The following NF2 variants were observed in gnomAD, a reference collection of about 807,000 sequenced individuals.
NF2 encodes the protein merlin.
In NF2, 8 loss-of-function variants were observed where a neutral mutation model predicts 83.7. That is an observed-to-expected ratio of 0.10 (90% confidence interval 0.06 to 0.17). The LOEUF (loss-of-function observed/expected upper bound fraction) is 0.17, where lower values mean the gene tolerates loss of function less well. NF2 is among the 10% of genes least tolerant of loss of function. The pLI, the probability that NF2 is intolerant of heterozygous loss-of-function variation, is 1.00. For synonymous variants in NF2, 266 were observed against 269.6 expected (o/e 0.99, Z 0.13); for missense variants, 533 against 744.4 (o/e 0.72, Z 3.31).
intron 1 of NF2, among the ~76,000 whole-genome samples, chr22:29,628,084 A>G (rs2065412317): frequency 6.6e-6 from 1 of 151,866 alleles, no homozygotes; most frequent in Non-Finnish European, 1.5e-5. Context: ...AGCATCAAGC[A>G]TTTATGGAGT....
intron 9 of NF2, among the ~76,000 whole-genome samples, chr22:29,666,187 C>T (rs565660033): frequency 6.6e-6 from 1 of 152,066 alleles, no homozygotes; most frequent in East Asian, 1.9e-4. Flanking sequence ...TGGGGTCTCA[C>T]TCTGTTGCCC....
intron 9 of NF2, among the ~76,000 whole-genome samples, chr22:29,668,046 G>A (rs1007311897): frequency 2.6e-5 from 4 of 151,952 alleles, no homozygotes; most frequent in African/African-American, 9.7e-5. Flanking sequence ...ACCACATCTT[G>A]ATGTAGGAGA....
chr22:29,654,749 A>T, intron 5 of NF2, 24 bp downstream of exon 5: 1 of 1,563,590 alleles, frequency 6.4e-7, no homozygotes, highest in South Asian at 1.1e-5. Flanking sequence ...TTCCCTTTTC[A>T]GGAAGACATA....
At chr22:29,658,905 C>CG (rs956067539) in intron 7 of NF2, among the ~76,000 whole-genome samples, 2 of 152,106 alleles carry the variant, frequency 1.3e-5, no homozygotes, top group Admixed American at 6.6e-5. Context: ...CATTTCACTA[C>CG]GGACTCCAAA....
intron 14 of NF2, among the ~76,000 whole-genome samples, chr22:29,679,453 C>T (rs972674673): frequency 1.3e-5 from 2 of 152,270 alleles, no homozygotes; most frequent in East Asian, 1.9e-4. Context: ...GGTTGGGATC[C>T]GGGATCAGGG....
intron 12 of NF2, 145 bp downstream of exon 12, chr22:29,673,631 G>A (rs2147085280): frequency 1.1e-6 from 1 of 904,458 alleles, no homozygotes; most frequent in East Asian, 2.6e-5. Flanking sequence ...TTGGCTGATG[G>A]TGACTGGTGC....
In NF2 at chr22:29,693,166, T is replaced by C. The variant is rs938247377; in HGVS notation, c.1738-1586T>C. On this transcript the variant is annotated intron_variant, in intron 15 of 15. Coordinates refer to ENST00000338641, the MANE Select transcript of NF2 (RefSeq NM_000268.4). ...CCAGTGACCATTCTGGTTCCCATCATCACAGGGCACATAACTCCTGGCCCT... is the reference window on the plus strand; with the variant it reads ...CCAGTGACCATTCTGGTTCCCATCACCACAGGGCACATAACTCCTGGCCCT... 2.6e-5 allele frequency among the ~76,000 whole-genome samples: 4 copies of C among 152,208 alleles called. No homozygotes were observed. In the South Asian group the frequency reaches 6.2e-4, roughly 24 times the overall value.
In NF2 at chr22:29,697,566, C is replaced by CTT. The variant is rs113760386; in HGVS notation, c.*2779_*2780dup. 2.6e-4 allele frequency: 41 copies of CTT among 158,828 alleles called. No individual in the cohort carries two copies. Among genetic ancestry groups the CTT allele is most frequent in the Middle Eastern group, 4.9e-3 (2 of 408 alleles). 9.8% of individuals were successfully genotyped at this position (158,828 alleles called of 1,614,324 possible). A position where few individuals can be genotyped will look rare whatever the true frequency, so the allele number is the denominator to read the frequency against. On this transcript the variant is annotated 3_prime_UTR_variant, in exon 16 of 16. Coordinates refer to ENST00000338641, the MANE Select transcript of NF2 (RefSeq NM_000268.4). The stretch of plus-strand genomic sequence containing the variant: ...TTCCTGTGGCTGGGATGACTGCATC[C>CTT]TTTTTTTTTTTTTTTTGAGACGGAG...
chr22:29,682,983 T>A (rs757722901), intron 15 of NF2: 3 of 1,612,562 alleles, frequency 1.9e-6, no homozygotes, highest in East Asian at 4.5e-5. Flanking sequence ...TCACAGGGTA[T>A]GTTTTTGTTT....
intron 15 of NF2, chr22:29,683,369 C>T: frequency 1.5e-6 from 2 of 1,359,200 alleles, no homozygotes; most frequent in Non-Finnish European, 1.9e-6. Flanking sequence ...GCTTCTTGTC[C>T]AGTCAGGTGT....
At chr22:29,661,087 T>C (rs2066463919) in intron 7 of NF2, 118 bp from the exon 8 acceptor site, 1 of 1,439,362 alleles carries the variant, frequency 6.9e-7, no homozygotes, top group Non-Finnish European at 9.7e-7. Context: ...CTGTGACTTC[T>C]GTTGGGACCT....
intron 7 of NF2, among the ~76,000 whole-genome samples, chr22:29,658,666 T>A (rs1287465839): frequency 8.6e-6 from 1 of 116,778 alleles, no homozygotes; most frequent in Non-Finnish European, 1.6e-5. Context: ...AGAGTAGATC[T>A]GCCTTTATAG....
chr22:29,682,450 G>A (rs1274091670), intron 15 of NF2, among the ~76,000 whole-genome samples: 2 of 152,148 alleles, frequency 1.3e-5, no homozygotes, highest in Non-Finnish European at 2.9e-5. Context: ...AACTCCAGGG[G>A]ATCTGTTTCT....
chr22:29,666,357 T>A (rs1020314870), intron 9 of NF2, among the ~76,000 whole-genome samples: 5 of 152,054 alleles, frequency 3.3e-5, no homozygotes, highest in African/African-American at 1.2e-4. Flanking sequence ...GTCAGGCTGG[T>A]CTCGAACTCC....
At chr22:29,646,856 C>T (rs1041981846) in intron 4 of NF2, among the ~76,000 whole-genome samples, 1 of 152,028 alleles carries the variant, frequency 6.6e-6, no homozygotes, top group Non-Finnish European at 1.5e-5. Context: ...CCAGCCTGAC[C>T]AATGTGGTGA....
At chr22:29,657,395 T>C (rs2066344038) in intron 6 of NF2, among the ~76,000 whole-genome samples, 2 of 152,216 alleles carry the variant, frequency 1.3e-5, no homozygotes, top group African/African-American at 4.8e-5. Flanking sequence ...TGTTGGGTTG[T>C]CCCCTGAGTT....
intron 1 of NF2, among the ~76,000 whole-genome samples, chr22:29,629,648 A>G (rs1475816278): frequency 6.6e-6 from 1 of 152,188 alleles, no homozygotes; most frequent in Non-Finnish European, 1.5e-5. Context: ...CTCTATCTGT[A>G]TGGGAGCTAA....
chr22:29,693,771 C>T (rs2067469517), intron 15 of NF2, among the ~76,000 whole-genome samples: 1 of 152,082 alleles, frequency 6.6e-6, no homozygotes, highest in South Asian at 2.1e-4. Flanking sequence ...AGCTCCTGAT[C>T]GGCACATAAC....
chr22:29,681,313 G>A (rs1190974260), intron 14 of NF2, 126 bp from the exon 15 acceptor site: 1 of 1,122,648 alleles, frequency 8.9e-7, no homozygotes, highest in East Asian at 2.4e-5. Context: ...GAGTGGCCAA[G>A]TAGAGACGTG....
Sources: allele counts gnomAD v4.1 joint callset (sites outside exome capture counted in the v4.1 genomes callset), GRCh38; gene constraint gnomAD v4.1.1; transcripts MANE v1.5; gene names NCBI Gene and HGNC (gene_info 2026-07-23, HGNC 2026-07-21).